Variants in CCDC178 observed in about 807,000 individuals in gnomAD.
The protein encoded by CCDC178 is coiled-coil domain-containing protein 178.
In CCDC178, 126 loss-of-function variants were observed where a neutral mutation model predicts 117.4. The observed-to-expected ratio is 1.07, with a 90% CI of 0.93 to 1.24. The LOEUF (loss-of-function observed/expected upper bound fraction) is 1.24, where lower values mean the gene tolerates loss of function less well. Among genes scored for constraint, CCDC178 ranks in the 50% most tolerant of loss-of-function variants. CCDC178 has a pLI of 0.00. For missense variants in CCDC178, 1,030 were observed against 986.9 expected (o/e 1.04, Z -0.59); for synonymous variants, 283 against 313.4 (o/e 0.90, Z 1.02).
At chr18:33,427,248 TTTAAC>T (rs1287127982) in intron 2 of CCDC178, among the ~76,000 whole-genome samples, 5 of 152,200 alleles carry the variant, frequency 3.3e-5, no homozygotes, top group South Asian at 4.1e-4. Flanking sequence ...TGACTATTAT[TTTAAC>T]TTAAGTTCCA....
chr18:33,338,176 G>A (rs1309638067), intron 9 of CCDC178, among the ~76,000 whole-genome samples: 8 of 152,112 alleles, frequency 5.3e-5, no homozygotes, highest in Non-Finnish European at 1.0e-4. Context: ...AATTATCAGG[G>A]AAATGCAAAT....
chr18:32,941,834 C>T (rs757064785), intron 22 of CCDC178, among the ~76,000 whole-genome samples: 12 of 151,972 alleles, frequency 7.9e-5, no homozygotes, highest in Non-Finnish European at 1.5e-4. Context: ...ATTCTATGTT[C>T]GTGTGTTGCT....
intron 7 of CCDC178, among the ~76,000 whole-genome samples, chr18:33,355,410 A>G (rs1459363740): frequency 2.0e-5 from 3 of 152,218 alleles, no homozygotes; most frequent in Admixed American, 6.5e-5. Flanking sequence ...AAAGAAAAAC[A>G]ATACTCTCCA....
chr18:33,154,060 A>G lies in CCDC178; in HGVS notation c.2238+57836T>C, dbSNP rs528312489. Among the ~76,000 whole-genome samples, 9 of 152,298 alleles carry G rather than the reference A, an allele frequency of 5.9e-5. No homozygotes were observed. The South Asian group carries it at 1.9e-3, about 32-fold the overall frequency. On this transcript the variant is annotated intron_variant, in intron 20 of 22. Transcript: ENST00000383096. Reference sequence around the variant, plus strand: ...ACTGTAATTTCATAGAAAAACCTTAAAATATAATGGAAATGAGTTCAGTTT... The same window carrying G: ...ACTGTAATTTCATAGAAAAACCTTAGAATATAATGGAAATGAGTTCAGTTT...
intron 22 of CCDC178, among the ~76,000 whole-genome samples, chr18:32,956,198 TC>T (rs1464416951): frequency 6.6e-6 from 1 of 152,198 alleles, no homozygotes; most frequent in Non-Finnish European, 1.5e-5. Context: ...ATGGCTAAGA[TC>T]CTGGCTATCC....
chr18:33,266,121 C>T (rs1278100770), intron 14 of CCDC178, among the ~76,000 whole-genome samples: 1 of 151,962 alleles, frequency 6.6e-6, no homozygotes, highest in East Asian at 1.9e-4. Flanking sequence ...TTCCTGCAGG[C>T]TTAGTTACCT....
intron 20 of CCDC178, among the ~76,000 whole-genome samples, chr18:33,115,538 TAC>T (rs113909198): frequency 5.3e-5 from 8 of 152,210 alleles, no homozygotes; most frequent in African/African-American, 1.7e-4. Context: ...CCATAGCGTC[TAC>T]AGTCAAATAC....
chr18:33,250,335 A>C (rs1326926772), intron 14 of CCDC178, among the ~76,000 whole-genome samples: 4 of 151,780 alleles, frequency 2.6e-5, no homozygotes, highest in Non-Finnish European at 5.9e-5. Context: ...ATTCCAGATT[A>C]ATTTAAAATG....
chr18:33,377,734 C>T (rs2063384333), intron 5 of CCDC178, among the ~76,000 whole-genome samples: 1 of 152,062 alleles, frequency 6.6e-6, no homozygotes, highest in South Asian at 2.1e-4. Context: ...TGTTTGTTGA[C>T]TTTGACAAAA....
chr18:33,091,697 C>T (rs1383694005), intron 21 of CCDC178, among the ~76,000 whole-genome samples: 1 of 152,114 alleles, frequency 6.6e-6, no homozygotes, highest in African/African-American at 2.4e-5. Flanking sequence ...AGCTTTAACT[C>T]TCATGAGAGT....
chr18:32,973,898 T>C (rs2054980072), intron 22 of CCDC178, among the ~76,000 whole-genome samples: 1 of 152,292 alleles, frequency 6.6e-6, no homozygotes, highest in Non-Finnish European at 1.5e-5. Flanking sequence ...TGTGATATGG[T>C]AAAACATTAA....
intron 19 of CCDC178, among the ~76,000 whole-genome samples, chr18:33,213,552 AC>A (rs539562147): frequency 1.8e-3 from 269 of 152,144 alleles, no homozygotes; most frequent in Middle Eastern, 6.8e-3. Context: ...TCCCAAAAAA[AC>A]ATTGATATAT....
intron 22 of CCDC178, among the ~76,000 whole-genome samples, chr18:32,970,005 C>T (rs1018139028): frequency 2.0e-5 from 3 of 152,060 alleles, no homozygotes; most frequent in African/African-American, 7.2e-5. Flanking sequence ...ATGCCATACA[C>T]TGTCAGAGTC....
chr18:33,215,819 G>A, intron 18 of CCDC178, 124 bp from the exon 19 acceptor site: 1 of 646,574 alleles, frequency 1.5e-6, no homozygotes, highest in Non-Finnish European at 2.4e-6. Context: ...ACACCTGATG[G>A]CTCACTCCTG....
chr18:33,324,363 T>C (rs886866662), intron 10 of CCDC178, among the ~76,000 whole-genome samples: 2 of 151,944 alleles, frequency 1.3e-5, no homozygotes, highest in African/African-American at 4.8e-5. Context: ...AAGAACCATG[T>C]AAGGAAATTG....
At chr18:33,192,186 T>TA (rs1396095699) in intron 20 of CCDC178, among the ~76,000 whole-genome samples, 2 of 152,214 alleles carry the variant, frequency 1.3e-5, no homozygotes, top group African/African-American at 2.4e-5. Flanking sequence ...CTACAACTGT[T>TA]ATATTAACAT....
intron 11 of CCDC178, among the ~76,000 whole-genome samples, chr18:33,300,468 A>G (rs2144905481): frequency 6.6e-6 from 1 of 152,322 alleles, no homozygotes; most frequent in South Asian, 2.1e-4. Context: ...AGAGCTCAGA[A>G]GAAGACAGGA....
intron 21 of CCDC178, among the ~76,000 whole-genome samples, chr18:33,085,379 C>T (rs405575): frequency 0.14 from 21,615 of 151,918 alleles, 2,381 homozygotes; most frequent in African/African-American, 0.31. Flanking sequence ...CTGGCTAACA[C>T]GGTGAAACCC....
At chr18:33,381,505 G>T (rs1174537999) in intron 5 of CCDC178, among the ~76,000 whole-genome samples, 1 of 152,078 alleles carries the variant, frequency 6.6e-6, no homozygotes, top group African/African-American at 2.4e-5. Flanking sequence ...TCACATTTCT[G>T]AATTCTCCCT....
Sources: allele counts gnomAD v4.1 joint callset (sites outside exome capture counted in the v4.1 genomes callset), GRCh38; gene constraint gnomAD v4.1.1; transcripts MANE v1.5; gene names NCBI Gene and HGNC (gene_info 2026-07-23, HGNC 2026-07-21).